AGPAT4: variants seen among roughly 807,000 people sequenced by gnomAD.
AGPAT4 encodes the protein 1-acylglycerol-3-phosphate O-acyltransferase 4.
In AGPAT4, 15 loss-of-function variants were observed where a neutral mutation model predicts 48.0. The ratio of observed to expected loss-of-function variants is 0.31; its 90% confidence interval spans 0.21 to 0.48. The LOEUF is 0.48. Among genes scored for constraint, AGPAT4 ranks in the 20% least tolerant of loss-of-function variants. AGPAT4 has a pLI of 0.99. For synonymous variants in AGPAT4, 178 were observed against 198.7 expected, an observed-to-expected ratio of 0.90 and a Z score of 0.88; for missense variants, 314 against 482.5, an observed-to-expected ratio of 0.65 and a Z score of 3.27.
rs962155659 is a variant in AGPAT4, at chr6:161,165,058, A to G, written c.348+1190T>C. On this transcript the variant is annotated intron_variant, in intron 3 of 8. Transcript: ENST00000320285. The surrounding 1 kb of genome is among the most constrained non-coding windows in gnomAD (Gnocchi z 5.5). ...ACCCTGCCATTCACCCCTGGTATCCATGACGGGGTTAGGACCATGACATTC... is the reference window on the plus strand; with the variant it reads ...ACCCTGCCATTCACCCCTGGTATCCGTGACGGGGTTAGGACCATGACATTC... Among the ~76,000 whole-genome samples, 2 of 152,134 alleles carry G rather than the reference A, an allele frequency of 1.3e-5. No individual in the cohort carries two copies. Among genetic ancestry groups the G allele is most frequent in the African/African-American group, 4.8e-5 (2 of 41,416 alleles).
Position 161,136,494 on chromosome 6 carries a change from C to A in AGPAT4, c.*46G>T. On this transcript the variant is annotated 3_prime_UTR_variant, in exon 9 of 9. Transcript: ENST00000320285. Reference sequence around the variant, plus strand: ...TCCCACTAAGGAGGATATGCAGAGGCCACCAGTTCCCCAAGGTTCCCTTCG... The same window carrying A: ...TCCCACTAAGGAGGATATGCAGAGGACACCAGTTCCCCAAGGTTCCCTTCG... 1 of 1,561,948 alleles carries A rather than the reference C, an allele frequency of 6.4e-7. No homozygotes were observed. Among genetic ancestry groups the A allele is most frequent in the Non-Finnish European group, 8.8e-7 (1 of 1,133,828 alleles).
chr6:161,175,417 T>A (rs2114987833), intron 2 of AGPAT4, among the ~76,000 whole-genome samples: 1 of 152,358 alleles, frequency 6.6e-6, no homozygotes, highest in South Asian at 2.1e-4. Context: ...TTCTTCTAGA[T>A]TTTCTAGTTT....
rs770913421 is a variant in AGPAT4, at chr6:161,189,762, A to C, written c.179-23345T>G. On this transcript the variant is annotated intron_variant, in intron 2 of 8. Transcript: ENST00000320285. The surrounding 1 kb of genome is among the most constrained non-coding windows in gnomAD (Gnocchi z 5.3). ...TCCTAACCCCTCTCTCCTCCACCCA[A>C]AAAAGGGCTGAATGCCAACCTGAAA... Among the ~76,000 whole-genome samples, 1 of 152,010 alleles carries C rather than the reference A, an allele frequency of 6.6e-6. No individual in the cohort carries two copies. Among genetic ancestry groups the C allele is most frequent in the Non-Finnish European group, 1.5e-5 (1 of 68,006 alleles).
At chr6:161,175,138 G>T (rs1165375420) in intron 2 of AGPAT4, among the ~76,000 whole-genome samples, 1 of 152,138 alleles carries the variant, frequency 6.6e-6, no homozygotes, top group Non-Finnish European at 1.5e-5. Context: ...GCCAGGCTTT[G>T]GTATCAGGAT....
intron 1 of AGPAT4, among the ~76,000 whole-genome samples, chr6:161,241,465 T>A (rs1192819930): frequency 6.6e-6 from 1 of 152,122 alleles, no homozygotes; most frequent in Non-Finnish European, 1.5e-5. Context: ...TAGTCCCTCT[T>A]CAAAGCCCCA....
chr6:161,232,930 C>T lies in AGPAT4; in HGVS notation c.-89-628G>A, dbSNP rs1782162769. ...CACTGTTTCTCCAGCACATGAGAGC[C>T]ATCACTGGCACAGGGTGGGAACTTA... On this transcript the variant is annotated intron_variant, in intron 1 of 8. Transcript: ENST00000320285. This position sits in a 1 kb window ranked among gnomAD's most constrained non-coding sequence, Gnocchi z 6.8. Among the ~76,000 whole-genome samples, 1 of 152,168 alleles carries T rather than the reference C, an allele frequency of 6.6e-6. No individual in the cohort carries two copies. The highest frequency in any genetic ancestry group is 6.5e-5 in the Admixed American group (1 of 15,272).
At position 161,251,965 on chromosome 6, in the gene AGPAT4, AT is replaced by A. The variant is rs3837010; in HGVS notation, c.-89-19664del. ...TATGCTGGAGAGTATAATTTTTTGA[AT>A]TTTTGCATGAGTGAAAAATCAGACC... On this transcript the variant is annotated intron_variant, in intron 1 of 8. Transcript: ENST00000320285. The surrounding 1 kb of genome is among the most constrained non-coding windows in gnomAD (Gnocchi z 4.6). Among the ~76,000 whole-genome samples, 32,458 of 152,102 alleles carry A rather than the reference AT, an allele frequency of 0.21. 3,704 individuals are homozygous for A. Among genetic ancestry groups the A allele is most frequent in the Admixed American group, 0.32 (4,891 of 15,272 alleles).
chr6:161,249,028 T>A lies in AGPAT4; in HGVS notation c.-89-16726A>T, dbSNP rs1782738919. 6.6e-6 allele frequency among the ~76,000 whole-genome samples: 1 copy of A among 152,116 alleles called. No homozygotes were observed. Among genetic ancestry groups the A allele is most frequent in the Non-Finnish European group, 1.5e-5 (1 of 68,012 alleles). On this transcript the variant is annotated intron_variant, in intron 1 of 8. Transcript: ENST00000320285. The surrounding 1 kb of genome is among the most constrained non-coding windows in gnomAD (Gnocchi z 6.2). ...ATAAGGCCACACACCTACAACTATC[T>A]TATCTTCAACAAAGCTGACAAAAAC... is the stretch of plus-strand genomic sequence containing the variant.
intron 1 of AGPAT4, among the ~76,000 whole-genome samples, chr6:161,248,416 T>C (rs1050831795): frequency 1.4e-4 from 20 of 141,788 alleles, no homozygotes; most frequent in African/African-American, 5.0e-4. Flanking sequence ...CCACTAAAAA[T>C]ACAAAAAATT....
rs977851718 is a variant in AGPAT4 at position 161,144,941 on chromosome 6, A to C, written c.843+1583T>G. 1.3e-5 allele frequency among the ~76,000 whole-genome samples: 2 copies of C among 151,950 alleles called. 1 individual carries two copies. Among genetic ancestry groups the C allele is most frequent in the African/African-American group, 4.9e-5 (2 of 41,234 alleles). On this transcript the variant is annotated intron_variant, in intron 7 of 8. Transcript: ENST00000320285. The surrounding 1 kb of genome is among the most constrained non-coding windows in gnomAD (Gnocchi z 6.6). ...GCTTGCAGTGAGCCGAGATCGCGCC[A>C]CTGCACTCCAGCCTGGGAGACAGAG...
chr6:161,198,822 C>T lies in AGPAT4; in HGVS notation c.179-32405G>A, dbSNP rs1455971024. Among the ~76,000 whole-genome samples the T allele has an allele frequency of 6.6e-6, 1 of 152,034 alleles. No homozygotes were observed. Among genetic ancestry groups the T allele is most frequent in the Non-Finnish European group, 1.5e-5 (1 of 68,000 alleles). On this transcript the variant is annotated intron_variant, in intron 2 of 8. Transcript: ENST00000320285. This position sits in a 1 kb window ranked among gnomAD's most constrained non-coding sequence, Gnocchi z 4.3. ...CTGACCTGGAACGTATATGTTGTTT[C>T]GAGTAAAGACAAAATTACATAGCTT...
intron 1 of AGPAT4, among the ~76,000 whole-genome samples, chr6:161,237,788 T>C (rs1380466746): frequency 6.6e-6 from 1 of 152,152 alleles, no homozygotes; most frequent in Non-Finnish European, 1.5e-5. Flanking sequence ...CACCCCATTC[T>C]GAGCACAGAA....
At chr6:161,181,504 AGGGGGCGGGG>A (rs1780590037) in intron 2 of AGPAT4, among the ~76,000 whole-genome samples, 1 of 141,972 alleles carries the variant, frequency 7.0e-6, no homozygotes, top group Non-Finnish European at 1.6e-5. Context: ...TGGGGGTAGC[AGGGGGCGGGG>A]GGCGCTTCCT....
rs560577206 is a variant in AGPAT4, at chr6:161,161,162, A to G, written c.348+5086T>C. 1.7e-4 allele frequency: 76 copies of G among 456,740 alleles called. No homozygotes were observed. Among genetic ancestry groups the G allele is most frequent in the African/African-American group, 1.4e-3 (69 of 50,202 alleles). The allele number at this position is 456,740 out of a possible 1,614,324, so 28.3% of individuals were successfully genotyped here. On this transcript the variant is annotated intron_variant, in intron 3 of 8. Coordinates refer to ENST00000320285, the MANE Select transcript of AGPAT4 (RefSeq NM_020133.3). This position sits in a 1 kb window ranked among gnomAD's most constrained non-coding sequence, Gnocchi z 4.6. ...CCCTGGCTTTATGAGCGGTGGGATC[A>G]GACTCTGGCTTGTTAAAGACACTGC...
intron 1 of AGPAT4, among the ~76,000 whole-genome samples, chr6:161,256,381 C>T (rs1782944328): frequency 2.0e-5 from 3 of 152,190 alleles, no homozygotes; most frequent in African/African-American, 4.8e-5. Context: ...GAAAAGTCTT[C>T]GGTGGATCAA....
chr6:161,216,729 A>G lies in AGPAT4; in HGVS notation c.178+15307T>C, dbSNP rs1014854874. 6.6e-6 allele frequency among the ~76,000 whole-genome samples: 1 copy of G among 152,212 alleles called. No homozygotes were observed. The highest frequency in any genetic ancestry group is 2.4e-5 in the African/African-American group (1 of 41,462). On this transcript the variant is annotated intron_variant, in intron 2 of 8. Transcript: ENST00000320285. The surrounding 1 kb of genome is among the most constrained non-coding windows in gnomAD (Gnocchi z 4.8). ...AAGGCTCTTCTTAAGCAGCGACAGC[A>G]AGAGAAAATGAGAAAGAAGCAAAAG...
At chr6:161,241,152 A>G (rs1370887240) in intron 1 of AGPAT4, among the ~76,000 whole-genome samples, 1 of 151,444 alleles carries the variant, frequency 6.6e-6, no homozygotes, top group East Asian at 1.9e-4. Flanking sequence ...AATCCCAGCT[A>G]CTTGGGAGGC....
chr6:161,241,147 C>G (rs533948208), intron 1 of AGPAT4, among the ~76,000 whole-genome samples: 1 of 151,524 alleles, frequency 6.6e-6, no homozygotes, highest in East Asian at 1.9e-4. Flanking sequence ...CCTGTAATCC[C>G]AGCTACTTGG....
intron 1 of AGPAT4, among the ~76,000 whole-genome samples, chr6:161,265,896 A>G (rs903344665): frequency 6.6e-6 from 1 of 152,192 alleles, no homozygotes; most frequent in African/African-American, 2.4e-5. Flanking sequence ...AAGTTGGTTT[A>G]CTATTATTTT....
Sources: gnomAD v4.1 joint callset for allele counts (sites outside exome capture counted in the v4.1 genomes callset) on GRCh38, gnomAD v4.1.1 for gene constraint, Gnocchi (gnomAD v3.1) non-coding constraint, MANE v1.5 for transcripts, NCBI Gene and HGNC (gene_info 2026-07-23, HGNC 2026-07-21) for gene names.